NTM: variants seen among roughly 807,000 people sequenced by gnomAD.
The protein encoded by NTM is neurotrimin, also known as IgLON family member 2.
A neutral mutation model predicts 42.1 loss-of-function variants in NTM; 13 were observed. The observed-to-expected ratio is 0.31, with a 90% CI of 0.20 to 0.49. The LOEUF (loss-of-function observed/expected upper bound fraction) is 0.49. Among genes scored for constraint, NTM ranks in the 20% least tolerant of loss-of-function variants. NTM has a pLI of 0.99. For missense variants in NTM, 373 were observed against 452.8 expected (o/e 0.82, Z 1.60); for synonymous variants, 187 against 179.2 (o/e 1.04, Z -0.35).
chr11:132,099,079 C>T (rs1162553494), intron 2 of NTM, among the ~76,000 whole-genome samples: 1 of 152,230 alleles, frequency 6.6e-6, no homozygotes, highest in Non-Finnish European at 1.5e-5. Context: ...TAACCACCTG[C>T]CTCTTAGAGA....
At chr11:132,117,769 A>T (rs2064114018) in intron 2 of NTM, among the ~76,000 whole-genome samples, 1 of 152,202 alleles carries the variant, frequency 6.6e-6, no homozygotes, top group South Asian at 2.1e-4. Context: ...CTTAAAAAAT[A>T]CTTTACTGCT....
At chr11:132,094,037 G>T (rs1332340910) in intron 2 of NTM, among the ~76,000 whole-genome samples, 14 of 152,126 alleles carry the variant, frequency 9.2e-5, no homozygotes, top group Admixed American at 9.2e-4. Flanking sequence ...TACAGAAACC[G>T]CCGGTTTGGT....
intron 2 of NTM, among the ~76,000 whole-genome samples, chr11:131,987,405 T>TATTCTATTCTATTCTATTCTATTCC (rs1482062589): frequency 3.9e-5 from 6 of 151,980 alleles, no homozygotes; most frequent in African/African-American, 1.5e-4. Flanking sequence ...TATTCTATTC[T>TATTCTATTCTATTCTATTCTATTCC]ATTCTATTCT....
At chr11:131,997,889 G>T (rs576483943) in intron 2 of NTM, among the ~76,000 whole-genome samples, 1 of 152,026 alleles carries the variant, frequency 6.6e-6, no homozygotes, top group Non-Finnish European at 1.5e-5. Context: ...TCAGTGCTTT[G>T]AACTGCTGAA....
rs77176878 is a variant in NTM, at chr11:132,274,390, C to T, written c.527-33299C>T. The stretch of plus-strand genomic sequence containing the variant: ...CCTCTAAGTATTGCTTTGCTGCATC[C>T]CAAAAGTTTTTGGTTTTTGTTATTT... On this transcript the variant is annotated intron_variant, in intron 4 of 8. Coordinates refer to ENST00000683400, the MANE Select transcript of NTM (RefSeq NM_001352005.2). Among the ~76,000 whole-genome samples the T allele has an allele frequency of 3.2e-3, 483 of 151,710 alleles. 4 individuals carry two copies. Among genetic ancestry groups the T allele is most frequent in the African/African-American group, 0.011 (455 of 41,388 alleles).
intron 2 of NTM, among the ~76,000 whole-genome samples, chr11:132,140,416 A>G (rs146667849): frequency 9.2e-5 from 14 of 152,282 alleles, no homozygotes; most frequent in African/African-American, 3.1e-4. Flanking sequence ...GCTAGGAAAG[A>G]TTCCATGGCC....
intron 3 of NTM, among the ~76,000 whole-genome samples, chr11:132,166,864 T>C (rs940345543): frequency 6.6e-6 from 1 of 152,166 alleles, no homozygotes; most frequent in African/African-American, 2.4e-5. Flanking sequence ...CACAATCTCA[T>C]AGCACTTCAC....
At chr11:131,793,299 T>A (rs2091177481) in intron 1 of NTM, among the ~76,000 whole-genome samples, 1 of 152,238 alleles carries the variant, frequency 6.6e-6, no homozygotes, top group South Asian at 2.1e-4. Context: ...ATTTGTTCAG[T>A]GTCTGTTGAA....
chr11:131,448,746 T>C (rs1382717012), intron 1 of NTM, among the ~76,000 whole-genome samples: 1 of 152,180 alleles, frequency 6.6e-6, no homozygotes, highest in African/African-American at 2.4e-5. Flanking sequence ...AGCCTCTCTG[T>C]CTAGGGCTGA....
chr11:131,722,630 C>A (rs963746489), intron 1 of NTM, among the ~76,000 whole-genome samples: 2 of 152,124 alleles, frequency 1.3e-5, no homozygotes, highest in Non-Finnish European at 2.9e-5. Context: ...TGGAGAGGAC[C>A]ACAGTGACAA....
chr11:131,423,917 A>T (rs974737970), intron 1 of NTM, among the ~76,000 whole-genome samples: 1 of 152,202 alleles, frequency 6.6e-6, no homozygotes, highest in Non-Finnish European at 1.5e-5. Flanking sequence ...CACATTGCTC[A>T]TAAGTAGGGT....
At chr11:132,188,062 T>C (rs889803756) in intron 3 of NTM, among the ~76,000 whole-genome samples, 2 of 152,146 alleles carry the variant, frequency 1.3e-5, no homozygotes, top group South Asian at 4.1e-4. Context: ...CATTTGGCAA[T>C]GACTTGAGAC....
intron 4 of NTM, among the ~76,000 whole-genome samples, chr11:132,235,285 G>A (rs1395366173): frequency 2.6e-5 from 4 of 152,282 alleles, no homozygotes; most frequent in East Asian, 1.9e-4. Flanking sequence ...AGGAAGCAAG[G>A]TGGGTTATCA....
At chr11:131,507,466 A>G (rs1243294233) in intron 1 of NTM, among the ~76,000 whole-genome samples, 1 of 151,972 alleles carries the variant, frequency 6.6e-6, no homozygotes, top group East Asian at 1.9e-4. Flanking sequence ...GTAGCCTTGT[A>G]GTATAGTTTG....
Position 131,956,242 on chromosome 11 carries a change from G to C in NTM, c.167+44594G>C, listed in dbSNP as rs539895070. On this transcript the variant is annotated intron_variant, in intron 2 of 8. Transcript: ENST00000683400. ...GGCAGTTGCTTCTTTTCACTTCCAC[G>C]TCTGAATGGCAGGGAGAAGCTGGGT... Among the ~76,000 whole-genome samples the C allele has an allele frequency of 8.5e-4, 129 of 152,246 alleles. No homozygotes were observed. The South Asian group carries it at 0.011, about 13-fold the overall frequency.
intron 2 of NTM, among the ~76,000 whole-genome samples, chr11:131,987,401 A>ATTCTATTCTG: frequency 6.6e-6 from 1 of 151,650 alleles, no homozygotes; most frequent in East Asian, 1.9e-4. Flanking sequence ...ATTCTATTCT[A>ATTCTATTCTG]TTCTATTCTA....
intron 6 of NTM, chr11:132,312,245 C>G (rs1200687867): frequency 2.0e-5 from 3 of 152,186 alleles, no homozygotes; most frequent in Non-Finnish European, 4.4e-5. Flanking sequence ...CTCCCATTTT[C>G]AGTGAGATGA....
chr11:131,743,325 G>A (rs1224631203), intron 1 of NTM, among the ~76,000 whole-genome samples: 4 of 151,358 alleles, frequency 2.6e-5, no homozygotes, highest in Non-Finnish European at 4.4e-5. Flanking sequence ...AATTTTGATA[G>A]AGATAATATA....
At chr11:132,064,205 C>A (rs1248264809) in intron 2 of NTM, among the ~76,000 whole-genome samples, 2 of 152,150 alleles carry the variant, frequency 1.3e-5, no homozygotes, top group Admixed American at 1.3e-4. Context: ...GATAAAAATT[C>A]TTTCTTTCTC....
Sources: allele counts gnomAD v4.1 joint callset (sites outside exome capture counted in the v4.1 genomes callset), GRCh38; gene constraint gnomAD v4.1.1; transcripts MANE v1.5; gene names NCBI Gene and HGNC (gene_info 2026-07-23, HGNC 2026-07-21).